NCK2: variants seen among roughly 807,000 people sequenced by gnomAD.
NCK2 encodes the protein cytoplasmic protein NCK2.
In NCK2, 16 loss-of-function variants were observed where a neutral mutation model predicts 33.9. That is an observed-to-expected ratio of 0.47 (90% CI 0.32 to 0.72). The LOEUF (loss-of-function observed/expected upper bound fraction) is 0.72, where lower values mean the gene tolerates loss of function less well. Ranked by LOEUF, NCK2 falls within the 30% of genes least tolerant of loss-of-function variation. NCK2 has a pLI of 0.03. For synonymous variants in NCK2, 273 were observed against 239.9 expected (o/e 1.14, Z -1.27); for missense variants, 418 against 537.3 (o/e 0.78, Z 2.19).
rs1427263122 is a variant in NCK2, at chr2:105,776,255, CCT to C, written c.-201+31118_-201+31119del. Among the ~76,000 whole-genome samples the C allele has an allele frequency of 5.3e-5, 8 of 152,364 alleles. No homozygotes were observed. The East Asian group carries it at 1.5e-3, about 29-fold the overall frequency. On this transcript the variant is annotated intron_variant, in intron 1 of 4. Coordinates refer to ENST00000233154, the MANE Select transcript of NCK2 (RefSeq NM_003581.5). ...CGTCCCAGCGACAGAAACCGTACAT[CCT>C]GGGTTTTCTGTAACACTCAGTTTCT...
intron 2 of NCK2, among the ~76,000 whole-genome samples, chr2:105,838,174 T>C (rs544590586): frequency 6.6e-6 from 1 of 152,186 alleles, no homozygotes; most frequent in African/African-American, 2.4e-5. Flanking sequence ...CAAGAAAATC[T>C]TGTGTTCTCA....
intron 1 of NCK2, among the ~76,000 whole-genome samples, chr2:105,755,159 T>C (rs551511221): frequency 6.6e-6 from 1 of 152,342 alleles, no homozygotes; most frequent in South Asian, 2.1e-4. Flanking sequence ...TCCCTTAAAT[T>C]AAGCCATCTG....
chr2:105,773,058 AT>A lies in NCK2; in HGVS notation c.-201+27932del, dbSNP rs761702189. 3.8e-4 allele frequency among the ~76,000 whole-genome samples: 55 copies of A among 145,472 alleles called. 1 individual carries two copies. The highest frequency in any genetic ancestry group is 6.0e-4 in the East Asian group (3 of 5,024). On this transcript the variant is annotated intron_variant, in intron 1 of 4. Transcript: ENST00000233154. The stretch of plus-strand genomic sequence containing the variant: ...AGGTGTGTAGCACCCCACTCAGCAA[AT>A]TTTTTTTTTTTAATTTTTCTGTAGA...
At chr2:105,757,777 T>G (rs1157648437) in intron 1 of NCK2, among the ~76,000 whole-genome samples, 1 of 152,204 alleles carries the variant, frequency 6.6e-6, no homozygotes, top group Non-Finnish European at 1.5e-5. Flanking sequence ...CTCTAACCTC[T>G]AACCCAACCC....
chr2:105,873,962 A>G (rs1017424314), intron 3 of NCK2, among the ~76,000 whole-genome samples: 1 of 152,080 alleles, frequency 6.6e-6, no homozygotes, highest in African/African-American at 2.4e-5. Flanking sequence ...CACAGATATG[A>G]GTCATGGGCC....
At chr2:105,816,120 T>C (rs1246914687) in intron 1 of NCK2, among the ~76,000 whole-genome samples, 2 of 152,152 alleles carry the variant, frequency 1.3e-5, no homozygotes, top group Non-Finnish European at 2.9e-5. Context: ...AGCTTTAATC[T>C]GGGATATATT....
chr2:105,758,414 T>TTG (rs1491512461), intron 1 of NCK2, among the ~76,000 whole-genome samples: 1 of 58,132 alleles, frequency 1.7e-5, no homozygotes, highest in South Asian at 4.6e-4. Context: ...GTTGTTTTTG[T>TTG]TTTTTTTTTT....
chr2:105,863,575 T>C (rs574393139), intron 3 of NCK2, among the ~76,000 whole-genome samples: 17 of 152,294 alleles, frequency 1.1e-4, no homozygotes, highest in African/African-American at 3.8e-4. Context: ...TAAGGCTTAG[T>C]CCCTGACTTT....
At chr2:105,813,268 A>G (rs1675358434) in intron 1 of NCK2, among the ~76,000 whole-genome samples, 1 of 152,126 alleles carries the variant, frequency 6.6e-6, no homozygotes, top group Non-Finnish European at 1.5e-5. Flanking sequence ...CGTTTCTATC[A>G]TTTGGACAGT....
intron 1 of NCK2, among the ~76,000 whole-genome samples, chr2:105,758,557 GTA>G (rs1689667093): frequency 2.0e-5 from 3 of 151,624 alleles, no homozygotes; most frequent in Non-Finnish European, 4.4e-5. Context: ...CTACAGGTGC[GTA>G]CCACCATGCC....
chr2:105,747,477 T>A (rs1457022411), intron 1 of NCK2, among the ~76,000 whole-genome samples: 1 of 152,182 alleles, frequency 6.6e-6, no homozygotes, highest in African/African-American at 2.4e-5. Flanking sequence ...TTTTTCTAAC[T>A]GCTCAAACTG....
intron 2 of NCK2, among the ~76,000 whole-genome samples, chr2:105,849,632 C>G (rs1426566007): frequency 6.6e-6 from 1 of 152,162 alleles, no homozygotes; most frequent in East Asian, 1.9e-4. Context: ...CTCTAATGCT[C>G]TTCAGGAAGT....
intron 1 of NCK2, among the ~76,000 whole-genome samples, chr2:105,795,556 C>T (rs570380802): frequency 6.6e-6 from 1 of 152,256 alleles, no homozygotes; most frequent in South Asian, 2.1e-4. Context: ...CAAACTTGGT[C>T]TATTTAGTTT....
intron 4 of NCK2, among the ~76,000 whole-genome samples, chr2:105,891,061 G>A (rs969917800): frequency 7.9e-5 from 12 of 152,272 alleles, no homozygotes; most frequent in Admixed American, 2.6e-4. Flanking sequence ...GCCCTGCCTC[G>A]GAGAGCACAT....
chr2:105,863,507 A>G (rs1677628375), intron 3 of NCK2, among the ~76,000 whole-genome samples: 2 of 152,126 alleles, frequency 1.3e-5, no homozygotes, highest in African/African-American at 4.8e-5. Flanking sequence ...GTGTGTTCCG[A>G]TCAGAAGGGG....
chr2:105,771,360 A>G (rs1192108701), intron 1 of NCK2, among the ~76,000 whole-genome samples: 3 of 151,986 alleles, frequency 2.0e-5, no homozygotes, highest in Middle Eastern at 3.4e-3. Flanking sequence ...TGAGGTCAGG[A>G]GTTCAAGACC....
chr2:105,835,423 A>ATACATACGTATATATATATATATT (rs59154186), intron 2 of NCK2, among the ~76,000 whole-genome samples: 2 of 102,102 alleles, frequency 2.0e-5, no homozygotes, highest in Non-Finnish European at 4.0e-5. Context: ...ATATATATAT[A>ATACATACGTATATATATATATATT]TTTTTTTTTT....
At chr2:105,851,385 T>C (rs1303795426) in intron 2 of NCK2, among the ~76,000 whole-genome samples, 1 of 151,878 alleles carries the variant, frequency 6.6e-6, no homozygotes, top group Admixed American at 6.6e-5. Flanking sequence ...TGCCTCAGCC[T>C]CCGGAGTAGC....
intron 3 of NCK2, among the ~76,000 whole-genome samples, chr2:105,862,429 G>A (rs1308910214): frequency 6.6e-6 from 1 of 152,190 alleles, no homozygotes; most frequent in Non-Finnish European, 1.5e-5. Context: ...AATCACAGAT[G>A]AAAAAATGAA....
Sources: allele counts gnomAD v4.1 joint callset (sites outside exome capture counted in the v4.1 genomes callset), GRCh38; gene constraint gnomAD v4.1.1; transcripts MANE v1.5; gene names NCBI Gene and HGNC (gene_info 2026-07-23, HGNC 2026-07-21).